The following ONECUT3 variants were observed in gnomAD, a reference collection of about 807,000 sequenced individuals.
ONECUT3 encodes one cut homeobox 3, also known as one cut domain family member 3.
In ONECUT3, 11 loss-of-function variants were observed where a neutral mutation model predicts 16.8. The observed-to-expected ratio is 0.66, with a 90% CI of 0.41 to 1.09. The LOEUF is 1.09. Ranked by LOEUF, ONECUT3 falls within the 50% of genes least tolerant of loss-of-function variation. The probability of loss-of-function intolerance (pLI) is 0.00; values close to 1 mark genes in which losing one functional copy is unlikely to be tolerated. For missense variants in ONECUT3, 637 were observed against 629.9 expected (o/e 1.01, Z -0.12); for synonymous variants, 344 against 310.7 (o/e 1.11, Z -1.13).
intron 1 of ONECUT3, among the ~76,000 whole-genome samples, chr19:1,761,656 G>A (rs1427334505): frequency 6.6e-6 from 1 of 152,182 alleles, no homozygotes; most frequent in East Asian, 1.9e-4. Context: ...GGCGCTGGGT[G>A]GAATCAAGTT....
intron 1 of ONECUT3, among the ~76,000 whole-genome samples, chr19:1,771,073 G>GT (rs35150258): frequency 6.6e-6 from 1 of 152,120 alleles, no homozygotes; most frequent in Non-Finnish European, 1.5e-5. Context: ...CAACTCTTTG[G>GT]TTTTCCAGGA....
Sources: allele counts gnomAD v4.1 joint callset (sites outside exome capture counted in the v4.1 genomes callset), GRCh38; gene constraint gnomAD v4.1.1; transcripts MANE v1.5; gene names NCBI Gene and HGNC (gene_info 2026-07-23, HGNC 2026-07-21).